The following AMN1 variants were observed in gnomAD, a reference collection of about 807,000 sequenced individuals.
The protein encoded by AMN1 is protein AMN1 homolog.
In AMN1, 20 loss-of-function variants were observed where a neutral mutation model predicts 33.0. That is an observed-to-expected ratio of 0.61 (90% CI 0.43 to 0.88). AMN1 has a LOEUF of 0.88. Among genes scored for constraint, AMN1 ranks in the 40% least tolerant of loss-of-function variants. AMN1 has a pLI of 0.00. For synonymous variants in AMN1, 114 were observed against 111.9 expected (o/e 1.02, Z -0.12); for missense variants, 246 against 307.4 (o/e 0.80, Z 1.49).
At chr12:31,702,103 G>C in intron 2 of AMN1, 96 bp from the exon 3 acceptor site, 1 of 1,125,002 alleles carries the variant, frequency 8.9e-7, no homozygotes, top group Non-Finnish European at 1.2e-6. Flanking sequence ...ACAGACAAGT[G>C]GCTGATGTAA....
chr12:31,691,996 G>T (rs894140872), intron 5 of AMN1, among the ~76,000 whole-genome samples: 1 of 151,962 alleles, frequency 6.6e-6, no homozygotes, highest in Non-Finnish European at 1.5e-5. Context: ...TTCTGCCTCA[G>T]CCTCCCAAGT....
intron 1 of AMN1, among the ~76,000 whole-genome samples, chr12:31,724,354 C>A (rs1050445734): frequency 6.6e-6 from 1 of 152,078 alleles, no homozygotes; most frequent in Non-Finnish European, 1.5e-5. Context: ...AGTAGCCCTG[C>A]GACAATAGCT....
intron 1 of AMN1, among the ~76,000 whole-genome samples, chr12:31,722,556 T>G (rs1213628344): frequency 6.6e-6 from 1 of 152,082 alleles, no homozygotes; most frequent in Non-Finnish European, 1.5e-5. Context: ...GGGTTCATAG[T>G]CTCCTAGCCA....
At chr12:31,672,762 T>C (rs1256311010) in intron 6 of AMN1, 1 of 170,572 alleles carries the variant, frequency 5.9e-6, no homozygotes, top group East Asian at 1.6e-4. Flanking sequence ...CTGAACAGCA[T>C]TTAATGAAGG....
At chr12:31,694,633 C>G (rs1222810703) in intron 5 of AMN1, among the ~76,000 whole-genome samples, 1 of 151,942 alleles carries the variant, frequency 6.6e-6, no homozygotes, top group Non-Finnish European at 1.5e-5. Flanking sequence ...GTAGCCCCAG[C>G]TATTTAGGAA....
At chr12:31,692,877 T>A (rs1209274384) in intron 5 of AMN1, among the ~76,000 whole-genome samples, 5 of 152,168 alleles carry the variant, frequency 3.3e-5, no homozygotes, top group African/African-American at 1.2e-4. Flanking sequence ...ATGAAATGAC[T>A]GTAATATAAG....
intron 6 of AMN1, among the ~76,000 whole-genome samples, chr12:31,677,158 G>A (rs1937755303): frequency 6.6e-6 from 1 of 152,068 alleles, no homozygotes; most frequent in Non-Finnish European, 1.5e-5. Context: ...AAATTAGCTG[G>A]GCGTAGTGGC....
intron 5 of AMN1, among the ~76,000 whole-genome samples, chr12:31,690,633 G>A (rs1938461332): frequency 6.6e-6 from 1 of 152,044 alleles, no homozygotes; most frequent in South Asian, 2.1e-4. Flanking sequence ...ATTTGTTTGA[G>A]TTTGTTCTAG....
At chr12:31,685,794 CATTATCAAA>C (rs1938232009) in intron 6 of AMN1, among the ~76,000 whole-genome samples, 1 of 2,914 alleles carries the variant, frequency 3.4e-4, no homozygotes, top group Non-Finnish European at 1.1e-3. Context: ...GAGCAAGACT[CATTATCAAA>C]AAAAAAAGAA....
At chr12:31,711,388 A>G (rs1388138112) in intron 1 of AMN1, among the ~76,000 whole-genome samples, 1 of 151,936 alleles carries the variant, frequency 6.6e-6, no homozygotes, top group Non-Finnish European at 1.5e-5. Flanking sequence ...TTAGTTTTTC[A>G]CTCAGCACTG....
chr12:31,723,140 A>G (rs1330778678), intron 1 of AMN1, among the ~76,000 whole-genome samples: 1 of 152,104 alleles, frequency 6.6e-6, no homozygotes, highest in African/African-American at 2.4e-5. Context: ...CCTGGGCAAC[A>G]GAGTGAGACC....
intron 2 of AMN1, among the ~76,000 whole-genome samples, chr12:31,708,112 G>A (rs1592168552): frequency 6.6e-6 from 1 of 152,210 alleles, no homozygotes; most frequent in Middle Eastern, 3.4e-3. Context: ...AGCGAACAAG[G>A]GAAGACGACC....
chr12:31,710,748 G>A (rs1392349545), intron 1 of AMN1, among the ~76,000 whole-genome samples: 2 of 152,026 alleles, frequency 1.3e-5, no homozygotes, highest in African/African-American at 2.4e-5. Context: ...TTCACAGTAC[G>A]GATGATCTAT....
At position 31,701,971 on chromosome 12, in the gene AMN1, T is replaced by G. The variant is rs1939024892; in HGVS notation, c.208A>C (p.Ser70Arg). Residue 70 changes from serine (S) to arginine (R), a missense_variant, in exon 3 of 7, where the codon AGC becomes CGC. Transcript: ENST00000281471. ...AGAGCAGCATCTGATATATCGCAGCTCCGTAGATCTAGAGTTTGGACTTCA... is the reference window on the plus strand; with the variant it reads ...AGAGCAGCATCTGATATATCGCAGCGCCGTAGATCTAGAGTTTGGACTTCA... ...HPEVQTLDLR[S>R]CDISDAALLH... is the part of the protein sequence containing the mutation. The G allele has an allele frequency of 6.2e-7, 1 of 1,607,522 alleles. No individual in the cohort carries two copies. The highest frequency in any genetic ancestry group is 2.2e-5 in the East Asian group (1 of 44,780).
intron 5 of AMN1, among the ~76,000 whole-genome samples, chr12:31,690,287 TG>T (rs1467232603): frequency 6.6e-6 from 1 of 152,244 alleles, no homozygotes; most frequent in African/African-American, 2.4e-5. Flanking sequence ...GTGGGATTGC[TG>T]GATCAAATGG....
chr12:31,690,241 G>A (rs547472114), intron 5 of AMN1, among the ~76,000 whole-genome samples: 10 of 152,158 alleles, frequency 6.6e-5, no homozygotes, highest in South Asian at 2.1e-4. Flanking sequence ...TATCTTTTTC[G>A]TATAATGACT....
At chr12:31,701,770 A>G (rs1939013043) in intron 3 of AMN1, 93 bp downstream of exon 3, 2 of 1,061,474 alleles carry the variant, frequency 1.9e-6, no homozygotes, top group Non-Finnish European at 2.6e-6. Flanking sequence ...TGACTTCTTC[A>G]TACTCTCTTT....
At chr12:31,715,452 C>T (rs79953417) in intron 1 of AMN1, 8,176 of 190,352 alleles carry the variant, frequency 0.043, 528 homozygotes, top group East Asian at 0.27. Context: ...TTTGCGCCTT[C>T]CTGTTCTCTT....
chr12:31,711,410 A>C (rs1186095750), intron 1 of AMN1, among the ~76,000 whole-genome samples: 1 of 152,102 alleles, frequency 6.6e-6, no homozygotes, highest in Non-Finnish European at 1.5e-5. Context: ...TTTCAAGATC[A>C]CCTACTCTTA....
Sources: allele counts gnomAD v4.1 joint callset (sites outside exome capture counted in the v4.1 genomes callset), GRCh38; gene constraint gnomAD v4.1.1; transcripts MANE v1.5; gene names NCBI Gene and HGNC (gene_info 2026-07-23, HGNC 2026-07-21).